Variants in NUP155 observed in about 807,000 individuals in gnomAD.
The protein encoded by NUP155 is nucleoporin 155.
NUP155 carries 71 observed loss-of-function variants against 180.4 expected under a neutral mutation model. The observed-to-expected ratio is 0.39, with a 90% CI of 0.33 to 0.48. The LOEUF (loss-of-function observed/expected upper bound fraction) is 0.48. Among genes scored for constraint, NUP155 ranks in the 20% least tolerant of loss-of-function variants. The pLI is 0.91. For synonymous variants in NUP155, 582 were observed against 559.5 expected, an observed-to-expected ratio of 1.04 and a Z score of -0.57; for missense variants, 1,553 against 1,648.9, an observed-to-expected ratio of 0.94 and a Z score of 1.01.
chr5:37,324,283 C>G (rs190265666), intron 19 of NUP155, among the ~76,000 whole-genome samples, 176 bp from the exon 20 acceptor site: 1 of 152,266 alleles, frequency 6.6e-6, no homozygotes, highest in African/African-American at 2.4e-5. Context: ...AACACTGATG[C>G]ATAACTAACA....
intron 5 of NUP155, 89 bp from the exon 6 acceptor site, chr5:37,351,445 C>A: frequency 1.0e-6 from 1 of 972,512 alleles, no homozygotes; most frequent in Non-Finnish European, 1.6e-6. Context: ...TATATGTTTA[C>A]TCAATTCTTT....
intron 1 of NUP155, among the ~76,000 whole-genome samples, chr5:37,365,992 C>A (rs1301166241): frequency 1.4e-5 from 2 of 141,430 alleles, no homozygotes; most frequent in Admixed American, 1.4e-4. Context: ...TAGATTAAAA[C>A]AACCCATGAC....
chr5:37,314,429 T>A lies in NUP155; in HGVS notation c.2306-101A>T, dbSNP rs141027835. ...AAGGTTGAAATCCCTGTTGTTTTCTTCCTAGCCCCCATTACAGGCAACCAT... is the reference window on the plus strand; with the variant it reads ...AAGGTTGAAATCCCTGTTGTTTTCTACCTAGCCCCCATTACAGGCAACCAT... On this transcript the variant is annotated intron_variant, in intron 21 of 34. Transcript: ENST00000231498. The A allele has an allele frequency of 1.8e-4, 159 of 880,538 alleles. No homozygotes were observed. In the African/African-American group the frequency reaches 2.4e-3, roughly 13 times the overall value. 54.5% of individuals were successfully genotyped at this position (880,538 alleles called of 1,614,324 possible). A position where few individuals can be genotyped will look rare whatever the true frequency, so the allele number is the denominator to read the frequency against.
At position 37,305,062 on chromosome 5, in the gene NUP155, G is replaced by T. The variant is rs778678407; in HGVS notation, c.3052C>A (p.His1018Asn). 20 of 1,613,230 alleles carry T rather than the reference G, an allele frequency of 1.2e-5. No individual in the cohort carries two copies. The Admixed American group carries it at 2.8e-4, about 23-fold the overall frequency. Reference protein sequence around the residue: ...PNMLSNEEAGHHFEQMLKLSQ... With the variant: ...PNMLSNEEAGNHFEQMLKLSQ... Reference sequence around the variant, plus strand: ...AAATATACTATGTCCCTTACATGATGTCCTGCTTCTTCATTACTCAGCATA... The same window carrying T: ...AAATATACTATGTCCCTTACATGATTTCCTGCTTCTTCATTACTCAGCATA... Residue 1018 changes from histidine (H) to asparagine (N), a missense_variant, in exon 26 of 35, where the codon CAT becomes AAT. By Grantham distance (68) the His-to-Asn change is moderately conservative. Coordinates refer to ENST00000231498, the MANE Select transcript of NUP155 (RefSeq NM_153485.3).
intron 11 of NUP155, 100 bp from the exon 12 acceptor site, chr5:37,338,018 G>A: frequency 1.3e-6 from 1 of 780,522 alleles, no homozygotes; most frequent in Non-Finnish European, 2.1e-6. Context: ...TTGCGGTTTT[G>A]CAATTAAAAT....
intron 9 of NUP155, among the ~76,000 whole-genome samples, chr5:37,348,075 G>A (rs1746217939): frequency 2.0e-5 from 3 of 151,708 alleles, no homozygotes; most frequent in Non-Finnish European, 2.9e-5. Flanking sequence ...CAGAAGTTGC[G>A]GTGAGCAGAG....
Position 37,307,413 on chromosome 5 carries a change from C to G in NUP155, c.2787G>C (p.Val929=). The part of the protein sequence containing the change: ...QYRQVRFYEG[V]VELSLTAAEK... The stretch of plus-strand genomic sequence containing the variant: ...CTGCAGCCGTAAGAGAAAGTTCCAC[C>G]ACACCCTCATAAAATCTCACTGATG... Residue 929 remains valine, a synonymous_variant, in exon 25 of 35, where the codon GTG becomes GTC. Transcript: ENST00000231498. 6.2e-7 allele frequency: 1 copy of G among 1,613,916 alleles called. No individual in the cohort carries two copies. Among genetic ancestry groups the G allele is most frequent in the Non-Finnish European group, 8.5e-7 (1 of 1,179,974 alleles).
At position 37,305,181 on chromosome 5, in the gene NUP155, G is replaced by A. The variant is rs752330380; in HGVS notation, c.2933C>T (p.Thr978Ile). Reference protein sequence around the residue: ...RLNSYKCITDTLQELVNQSKA... With the variant: ...RLNSYKCITDILQELVNQSKA... ...ACTTTGATTTACCAGTTCTTGAAGT[G>A]TGTCTGTAATGCATTTGTAACTGTT... The change falls in exon 26 of 35, where the codon ACA becomes ATA. Residue 978 changes from threonine to isoleucine, a missense_variant. Thr to Ile is a moderately conservative substitution (Grantham distance 89). Transcript: ENST00000231498. 4 of 1,613,402 alleles carry A rather than the reference G, an allele frequency of 2.5e-6. No homozygotes were observed. The highest frequency in any genetic ancestry group is 1.3e-5 in the African/African-American group (1 of 75,044).
chr5:37,291,985 A>G lies in NUP155; in HGVS notation c.4091T>C (p.Leu1364Pro). Residue 1364 changes from leucine to proline, a missense_variant, in exon 35 of 35, where the codon CTC becomes CCC. Coordinates refer to ENST00000231498, the MANE Select transcript of NUP155 (RefSeq NM_153485.3). ...LDAVCGYLVE[L>P]QSMSSSVAVQ... is the part of the protein sequence containing the mutation. ...TGCTACTGACGAGCTCATAGACTGG[A>G]GCTCAACAAGGTAACCACAAACAGC... 1 of 1,614,068 alleles carries G rather than the reference A, an allele frequency of 6.2e-7. No individual in the cohort carries two copies. Among genetic ancestry groups the G allele is most frequent in the South Asian group, 1.1e-5 (1 of 91,084 alleles).
chr5:37,369,909 T>C (rs1747849149), intron 1 of NUP155, among the ~76,000 whole-genome samples: 1 of 152,226 alleles, frequency 6.6e-6, no homozygotes, highest in Admixed American at 6.5e-5. Flanking sequence ...TGGTTATAAC[T>C]TAAAACTGTT....
intron 25 of NUP155, 149 bp downstream of exon 25, chr5:37,307,148 A>C (rs536518384): frequency 5.5e-6 from 4 of 723,762 alleles, no homozygotes; most frequent in Non-Finnish European, 9.0e-6. Context: ...CAGTGAGCCA[A>C]GATCACACGA....
Position 37,341,119 on chromosome 5 carries a change from G to A in NUP155, c.1217C>T (p.Ser406Leu). ...FSASSTVEKP[S>L]KVHRALYSKG... ...ACTATAAAGAGCTCTATGTACTTTT[G>A]AAGGCTTTTCCACGGTTGAAGATGC... Residue 406 changes from serine to leucine, a missense_variant, in exon 11 of 35, where the codon TCA becomes TTA. Coordinates refer to ENST00000231498, the MANE Select transcript of NUP155 (RefSeq NM_153485.3). 3 of 1,613,616 alleles carry A rather than the reference G, an allele frequency of 1.9e-6. No individual in the cohort carries two copies. Among genetic ancestry groups the A allele is most frequent in the Non-Finnish European group, 2.5e-6 (3 of 1,179,582 alleles).
rs568330355 is a variant in NUP155, at chr5:37,364,085, T to A, written c.296-101A>T. The A allele has an allele frequency of 1.6e-4, 183 of 1,125,308 alleles. 3 individuals carry two copies. In the South Asian group the frequency reaches 2.3e-3, roughly 14 times the overall value. 69.7% of individuals were successfully genotyped at this position (1,125,308 alleles called of 1,614,324 possible). A position where few individuals can be genotyped will look rare whatever the true frequency, so the allele number is the denominator to read the frequency against. ...AATATTTACGTAAAAAATCACAATG[T>A]GTCCACTCTTTAATACAACATGGAA... On this transcript the variant is annotated intron_variant, in intron 2 of 34. Transcript: ENST00000231498.
intron 4 of NUP155, among the ~76,000 whole-genome samples, chr5:37,357,325 A>G (rs1746891252): frequency 7.8e-6 from 1 of 127,880 alleles, no homozygotes; most frequent in Non-Finnish European, 1.6e-5. Context: ...TGAGCCTGGG[A>G]GGTTGAGGCT....
At chr5:37,366,940 G>A (rs747100695) in intron 1 of NUP155, among the ~76,000 whole-genome samples, 1 of 151,928 alleles carries the variant, frequency 6.6e-6, no homozygotes, top group Non-Finnish European at 1.5e-5. Flanking sequence ...GTGAGCCACC[G>A]TGCCCGGCCG....
In NUP155 at chr5:37,324,008, GTCC is replaced by G. The variant is rs780192211; in HGVS notation, c.2188_2190del (p.Gly730del). On this transcript the variant is annotated inframe_deletion, in exon 20 of 35. Transcript: ENST00000231498. ...TATTCTTACTTTGGATTTCCTAATG[GTCC>G]TCCTGCAAACTGGGAGTTTCTGTCT... 3 of 1,605,368 alleles carry G rather than the reference GTCC, an allele frequency of 1.9e-6. No individual in the cohort carries two copies. The highest frequency in any genetic ancestry group is 2.6e-6 in the Non-Finnish European group (3 of 1,172,240).
At chr5:37,313,769 T>C (rs1036617177) in intron 22 of NUP155, among the ~76,000 whole-genome samples, 3 of 152,164 alleles carry the variant, frequency 2.0e-5, no homozygotes, top group Admixed American at 2.0e-4. Context: ...TACCAAAGTG[T>C]TGGGATCACA....
chr5:37,331,746 A>G lies in NUP155; in HGVS notation c.1568T>C (p.Leu523Pro). Residue 523 changes from leucine (L) to proline (P), a missense_variant, in exon 14 of 35, where the codon CTA (leucine) becomes CCA (proline). Coordinates refer to ENST00000231498, the MANE Select transcript of NUP155 (RefSeq NM_153485.3). Reference protein sequence around the residue: ...KLRPVDQLRHLLVSNVGGDGE... With the variant: ...KLRPVDQLRHPLVSNVGGDGE... The stretch of plus-strand genomic sequence containing the variant: ...ATCTCCTCCCACATTACTCACAAGT[A>G]GATGCCTCAGTTGATCTACAGGTCT... The G allele has an allele frequency of 6.2e-7, 1 of 1,612,074 alleles. No individual in the cohort carries two copies. The highest frequency in any genetic ancestry group is 8.5e-7 in the Non-Finnish European group (1 of 1,179,158).
At chr5:37,342,272 C>T in intron 10 of NUP155, 1 of 344,180 alleles carries the variant, frequency 2.9e-6, no homozygotes, top group South Asian at 3.0e-5. Flanking sequence ...GTCTTGAACT[C>T]CTGGGCTCAG....
Sources: allele counts gnomAD v4.1 joint callset (sites outside exome capture counted in the v4.1 genomes callset), GRCh38; gene constraint gnomAD v4.1.1; transcripts MANE v1.5; gene names NCBI Gene and HGNC (gene_info 2026-07-23, HGNC 2026-07-21).